Variants in ADGRB3 observed in about 807,000 individuals in gnomAD.
ADGRB3 encodes the protein adhesion G protein-coupled receptor B3.
In ADGRB3, 37 loss-of-function variants were observed where a neutral mutation model predicts 193.4. The observed-to-expected ratio is 0.19, with a 90% CI of 0.15 to 0.25. The LOEUF (loss-of-function observed/expected upper bound fraction) is 0.25, where lower values mean the gene tolerates loss of function less well. Ranked by LOEUF, ADGRB3 falls within the 10% of genes least tolerant of loss-of-function variation. The pLI is 1.00. For missense variants in ADGRB3, 1,637 were observed against 1,852.9 expected, an observed-to-expected ratio of 0.88 and a Z score of 2.14; for synonymous variants, 690 against 644.2, an observed-to-expected ratio of 1.07 and a Z score of -1.08.
intron 13 of ADGRB3, among the ~76,000 whole-genome samples, chr6:69,035,502 T>G (rs958710450): frequency 3.9e-5 from 6 of 152,044 alleles, no homozygotes; most frequent in African/African-American, 1.2e-4. Flanking sequence ...GAAGAGTAAT[T>G]GTTAATGTAA....
At chr6:68,732,432 G>A (rs191082500) in intron 3 of ADGRB3, among the ~76,000 whole-genome samples, 1 of 151,910 alleles carries the variant, frequency 6.6e-6, no homozygotes, top group Non-Finnish European at 1.5e-5. Context: ...AAGGAAAATT[G>A]TTTTGGTTAT....
At chr6:68,715,531 G>A (rs578048502) in intron 3 of ADGRB3, among the ~76,000 whole-genome samples, 1 of 151,824 alleles carries the variant, frequency 6.6e-6, no homozygotes, top group South Asian at 2.1e-4. Flanking sequence ...ACCCATACTA[G>A]AGCCAAGGTT....
chr6:69,150,448 G>A (rs566857434), intron 17 of ADGRB3, among the ~76,000 whole-genome samples: 1 of 152,216 alleles, frequency 6.6e-6, no homozygotes, highest in East Asian at 1.9e-4. Context: ...AAGGCCCAAG[G>A]GCTCTTCAGT....
At chr6:69,034,614 A>G (rs1770811417) in intron 13 of ADGRB3, among the ~76,000 whole-genome samples, 1 of 148,440 alleles carries the variant, frequency 6.7e-6, no homozygotes, top group Non-Finnish European at 1.5e-5. Flanking sequence ...TTATAACTAT[A>G]TATTTATATA....
intron 3 of ADGRB3, among the ~76,000 whole-genome samples, chr6:68,676,226 A>G (rs1014556121): frequency 6.6e-6 from 1 of 151,828 alleles, no homozygotes; most frequent in African/African-American, 2.4e-5. Flanking sequence ...CCCCGTCTCC[A>G]CTAAAAGTAC....
intron 8 of ADGRB3, among the ~76,000 whole-genome samples, chr6:68,958,665 T>C (rs1478521306): frequency 1.3e-5 from 2 of 151,982 alleles, no homozygotes; most frequent in African/African-American, 4.8e-5. Flanking sequence ...GTTAAAAAAA[T>C]ATCACATAAA....
intron 17 of ADGRB3, among the ~76,000 whole-genome samples, chr6:69,158,777 T>C (rs1774913013): frequency 6.6e-6 from 1 of 152,060 alleles, no homozygotes; most frequent in African/African-American, 2.4e-5. Flanking sequence ...TCTCATCTAC[T>C]TCAAAGGGAT....
intron 17 of ADGRB3, among the ~76,000 whole-genome samples, chr6:69,218,241 AC>A (rs1765814504): frequency 6.6e-6 from 1 of 152,148 alleles, no homozygotes; most frequent in Non-Finnish European, 1.5e-5. Context: ...TGATTCTGGT[AC>A]CAAAAGGAGC....
At chr6:69,200,130 T>TAAA (rs3048267) in intron 17 of ADGRB3, among the ~76,000 whole-genome samples, 267 of 148,816 alleles carry the variant, frequency 1.8e-3, no homozygotes, top group African/African-American at 6.1e-3. Flanking sequence ...AAGTTTTAAT[T>TAAA]AAAAAAAAAA....
intron 3 of ADGRB3, among the ~76,000 whole-genome samples, chr6:68,748,154 C>A (rs1766122338): frequency 6.6e-6 from 1 of 152,088 alleles, no homozygotes; most frequent in Admixed American, 6.6e-5. Context: ...GGGACACAGC[C>A]AAGCAGTATC....
At chr6:68,893,135 TCAAA>T (rs905780459) in intron 3 of ADGRB3, among the ~76,000 whole-genome samples, 1 of 151,942 alleles carries the variant, frequency 6.6e-6, no homozygotes, top group Admixed American at 6.6e-5. Flanking sequence ...GAAAACAAAA[TCAAA>T]CAAAACTCTC....
At chr6:68,999,491 C>T (rs1769501276) in intron 11 of ADGRB3, among the ~76,000 whole-genome samples, 1 of 152,098 alleles carries the variant, frequency 6.6e-6, no homozygotes, top group African/African-American at 2.4e-5. Context: ...GTCTCCATCT[C>T]CTGACCTCGT....
intron 26 of ADGRB3, among the ~76,000 whole-genome samples, chr6:69,343,232 G>C (rs1237552254): frequency 2.2e-5 from 3 of 137,050 alleles, no homozygotes; most frequent in Non-Finnish European, 4.7e-5. Context: ...TGTGCACATT[G>C]TGCAGGTTAG....
At chr6:69,084,382 A>T (rs1772487900) in intron 17 of ADGRB3, among the ~76,000 whole-genome samples, 1 of 152,166 alleles carries the variant, frequency 6.6e-6, no homozygotes, top group Non-Finnish European at 1.5e-5. Context: ...CAAACTACCA[A>T]ATGTGTAGAA....
intron 3 of ADGRB3, among the ~76,000 whole-genome samples, chr6:68,819,608 G>C (rs1323981753): frequency 4.0e-5 from 6 of 151,832 alleles, no homozygotes; most frequent in Non-Finnish European, 4.4e-5. Context: ...TTTCTTCCTG[G>C]AAGTACCAGT....
intron 17 of ADGRB3, among the ~76,000 whole-genome samples, chr6:69,197,650 T>A (rs1205885825): frequency 6.6e-6 from 1 of 152,084 alleles, no homozygotes; most frequent in African/African-American, 2.4e-5. Flanking sequence ...CCTTCTGTCA[T>A]CTATTTCTTG....
intron 3 of ADGRB3, among the ~76,000 whole-genome samples, chr6:68,886,946 T>C (rs1158925662): frequency 6.6e-6 from 1 of 151,872 alleles, no homozygotes; most frequent in African/African-American, 2.4e-5. Context: ...AGTAACCTTC[T>C]GGTTTTGTAA....
rs945402735 is a variant in ADGRB3, at chr6:69,188,751, AT to A, written c.2481-44531del. Among the ~76,000 whole-genome samples the A allele has an allele frequency of 7.9e-5, 12 of 152,054 alleles. No homozygotes were observed. In the South Asian group the frequency reaches 2.1e-3, roughly 26 times the overall value. ...AAATATCTATGTGTCTGGGCTTAATATTTTTTTTAAATTCGTTAAATTATAA... is the reference window on the plus strand; with the variant it reads ...AAATATCTATGTGTCTGGGCTTAATATTTTTTTAAATTCGTTAAATTATAA... On this transcript the variant is annotated intron_variant, in intron 17 of 31. Transcript: ENST00000370598.
At chr6:69,048,466 C>A in intron 14 of ADGRB3, 132 bp downstream of exon 14, 1 of 949,360 alleles carries the variant, frequency 1.1e-6, no homozygotes, top group East Asian at 2.7e-5. Flanking sequence ...AACTAATTTT[C>A]TAAATATGGA....
Sources: gnomAD v4.1 joint callset for allele counts (sites outside exome capture counted in the v4.1 genomes callset) on GRCh38, gnomAD v4.1.1 for gene constraint, MANE v1.5 for transcripts, NCBI Gene and HGNC (gene_info 2026-07-23, HGNC 2026-07-21) for gene names.